Variants in LARP4B observed in about 807,000 individuals in gnomAD.
The protein encoded by LARP4B is La ribonucleoprotein 4B.
LARP4B carries 12 observed loss-of-function variants against 89.8 expected under a neutral mutation model. The observed-to-expected ratio is 0.13, with a 90% CI of 0.09 to 0.22. The LOEUF (loss-of-function observed/expected upper bound fraction) is 0.22. LARP4B is among the 10% of genes least tolerant of loss of function. The pLI, the probability that LARP4B is intolerant of heterozygous loss-of-function variation, is 1.00. For missense variants in LARP4B, 757 were observed against 947.7 expected (o/e 0.80, Z 2.64); for synonymous variants, 367 against 363.3 (o/e 1.01, Z -0.12).
chr10:830,382 T>C (rs1033440870), intron 9 of LARP4B, among the ~76,000 whole-genome samples: 1 of 152,206 alleles, frequency 6.6e-6, no homozygotes, highest in Admixed American at 6.6e-5. Flanking sequence ...CACATACTGT[T>C]TATACCATTT....
chr10:959,174 G>T, the LARP4B span, among the ~76,000 whole-genome samples: 1 of 152,168 alleles, frequency 6.6e-6, no homozygotes, highest in Non-Finnish European at 1.5e-5. Context: ...CTTCAGAGAA[G>T]TTTGGAAAAT....
chr10:922,144 G>T (rs1836996531), intron 1 of LARP4B, among the ~76,000 whole-genome samples: 1 of 152,146 alleles, frequency 6.6e-6, no homozygotes, highest in Non-Finnish European at 1.5e-5. Flanking sequence ...AGATCATCAG[G>T]CACTAGATTC....
chr10:970,048 G>C, the LARP4B span, among the ~76,000 whole-genome samples: 1 of 152,202 alleles, frequency 6.6e-6, no homozygotes, highest in African/African-American at 2.4e-5. Context: ...TGTTGTCCCA[G>C]GGCCGTCGGG....
intron 1 of LARP4B, among the ~76,000 whole-genome samples, chr10:913,185 T>C (rs1166165302): frequency 6.6e-6 from 1 of 152,150 alleles, no homozygotes; most frequent in Non-Finnish European, 1.5e-5. Flanking sequence ...GCAATCTGAA[T>C]TGTTTAGGGG....
chr10:871,852 T>C (rs981414892), intron 3 of LARP4B, among the ~76,000 whole-genome samples: 1 of 152,224 alleles, frequency 6.6e-6, no homozygotes, highest in African/African-American at 2.4e-5. Context: ...CTCTTAGTGG[T>C]GTGATAGAGT....
chr10:859,806 T>C (rs1235660277), intron 5 of LARP4B, among the ~76,000 whole-genome samples: 2 of 150,410 alleles, frequency 1.3e-5, no homozygotes, highest in Non-Finnish European at 2.9e-5. Flanking sequence ...ATTCCAACCC[T>C]ATGACATTCT....
chr10:965,715 C>T, the LARP4B span, among the ~76,000 whole-genome samples: 2 of 151,672 alleles, frequency 1.3e-5, no homozygotes, highest in Admixed American at 6.6e-5. Flanking sequence ...GATACCAAGA[C>T]CCGGCGCTGT....
At chr10:844,948 G>C in intron 6 of LARP4B, 29 bp downstream of exon 6, 2 of 1,523,388 alleles carry the variant, frequency 1.3e-6, no homozygotes, top group Non-Finnish European at 1.8e-6. Flanking sequence ...AGAAATATCA[G>C]GTACTAGAAA....
intron 3 of LARP4B, among the ~76,000 whole-genome samples, chr10:872,555 G>A (rs1049966067): frequency 7.9e-5 from 12 of 152,184 alleles, no homozygotes; most frequent in Non-Finnish European, 1.3e-4. Context: ...CTCCCTATCG[G>A]ATAGGTCTAA....
chr10:927,443 A>G (rs1837174940), intron 1 of LARP4B, among the ~76,000 whole-genome samples: 1 of 152,212 alleles, frequency 6.6e-6, no homozygotes, highest in South Asian at 2.1e-4. Flanking sequence ...TTGAGAACCT[A>G]GCAGTTTTCT....
rs142258093 is a variant in LARP4B at position 855,408 on chromosome 10, G to A, written c.430+8335C>T. Among the ~76,000 whole-genome samples, 161 of 152,188 alleles carry A rather than the reference G, an allele frequency of 1.1e-3. 2 individuals are homozygous for A. Among genetic ancestry groups the A allele is most frequent in the African/African-American group, 3.8e-3 (159 of 41,516 alleles). On this transcript the variant is annotated intron_variant, in intron 5 of 17. Coordinates refer to ENST00000316157, the MANE Select transcript of LARP4B (RefSeq NM_015155.3). ...ACTCTTCCTTTCACTGGAACCCTCA[G>A]AAGAGGGAATGTAGGGCTATTAATT...
chr10:878,663 G>A (rs1279467545), intron 3 of LARP4B, among the ~76,000 whole-genome samples: 2 of 152,148 alleles, frequency 1.3e-5, no homozygotes, highest in South Asian at 2.1e-4. Flanking sequence ...CCACACACAT[G>A]TAAGGACACC....
chr10:988,315 G>C, the LARP4B span: 1 of 629,856 alleles, frequency 1.6e-6, no homozygotes, highest in Non-Finnish European at 2.9e-6. Context: ...TCCAAGCCGG[G>C]CGGGTGCGCT....
chr10:881,928 T>G (rs1432543298), intron 3 of LARP4B, among the ~76,000 whole-genome samples: 2 of 152,170 alleles, frequency 1.3e-5, no homozygotes, highest in Non-Finnish European at 2.9e-5. Context: ...GCACTCAGTT[T>G]TGATGAATGG....
At chr10:829,016 C>A (rs114097926) in intron 11 of LARP4B, among the ~76,000 whole-genome samples, 1 of 152,196 alleles carries the variant, frequency 6.6e-6, no homozygotes, top group Non-Finnish European at 1.5e-5. Flanking sequence ...AAACAGCAGG[C>A]CTTCTCCTTG....
At chr10:975,965 G>A in the LARP4B span, among the ~76,000 whole-genome samples, 6 of 146,362 alleles carry the variant, frequency 4.1e-5, no homozygotes, top group South Asian at 4.4e-4. Context: ...GTGTGGACCC[G>A]GCCTAGTAGA....
Position 832,027 on chromosome 10 carries a change from TTTTA to T in LARP4B, c.751-1054_751-1051del, listed in dbSNP as rs772155747. 1.6e-4 allele frequency among the ~76,000 whole-genome samples: 25 copies of T among 152,252 alleles called. No individual in the cohort carries two copies. In the East Asian group the frequency reaches 3.5e-3, roughly 21 times the overall value. On this transcript the variant is annotated intron_variant, in intron 8 of 17. Transcript: ENST00000316157. Reference sequence around the variant, plus strand: ...ATATTAAATATATATGGAAGATTGTTTTTATTTTTTATTTTTTTTTATTTATTTA... The same window carrying T: ...ATATTAAATATATATGGAAGATTGTTTTTTTTATTTTTTTTTATTTATTTA...
In LARP4B at chr10:812,260, G is replaced by A. The variant is rs1831770211; in HGVS notation, c.*666C>T. On this transcript the variant is annotated 3_prime_UTR_variant, in exon 18 of 18. Coordinates refer to ENST00000316157, the MANE Select transcript of LARP4B (RefSeq NM_015155.3). ...TAATAGCCACTTGAAACTGGAGTGAGAAGCTGGTTACTTGCTTGCAGTGCA... is the reference window on the plus strand; with the variant it reads ...TAATAGCCACTTGAAACTGGAGTGAAAAGCTGGTTACTTGCTTGCAGTGCA... The A allele has an allele frequency of 1.3e-5, 2 of 152,692 alleles. No individual in the cohort carries two copies. The highest frequency in any genetic ancestry group is 2.9e-5 in the Non-Finnish European group (2 of 68,048). The allele number at this position is 152,692 out of a possible 1,614,324, so 9.5% of individuals were successfully genotyped here. A position where few individuals can be genotyped will look rare whatever the true frequency, so the allele number is the denominator to read the frequency against.
At chr10:986,033 A>G in the LARP4B span, 4 of 152,222 alleles carry the variant, frequency 2.6e-5, no homozygotes, top group African/African-American at 9.6e-5. Flanking sequence ...TGGAGCACTC[A>G]TAGGACCCTC....
Sources: allele counts gnomAD v4.1 joint callset (sites outside exome capture counted in the v4.1 genomes callset), GRCh38; gene constraint gnomAD v4.1.1; transcripts MANE v1.5; gene names NCBI Gene and HGNC (gene_info 2026-07-23, HGNC 2026-07-21).